Variants in SLC41A2 observed in about 807,000 individuals in gnomAD.
SLC41A2 encodes the protein SLC41A1-like 1.
SLC41A2 carries 32 observed loss-of-function variants against 58.3 expected under a neutral mutation model. That is an observed-to-expected ratio of 0.55 (90% CI 0.41 to 0.74). The LOEUF is 0.74. Ranked by LOEUF, SLC41A2 falls within the 30% of genes least tolerant of loss-of-function variation. The pLI is 0.00. For synonymous variants in SLC41A2, 190 were observed against 235.0 expected, an observed-to-expected ratio of 0.81 and a Z score of 1.75; for missense variants, 514 against 680.6, an observed-to-expected ratio of 0.76 and a Z score of 2.72.
chr12:104,869,409 A>G (rs759976769), intron 6 of SLC41A2, among the ~76,000 whole-genome samples: 1 of 152,238 alleles, frequency 6.6e-6, no homozygotes, highest in Non-Finnish European at 1.5e-5. Flanking sequence ...ACAAAGAGAG[A>G]GAACAAAAGA....
intron 2 of SLC41A2, among the ~76,000 whole-genome samples, chr12:104,920,533 G>A (rs1045389127): frequency 7.9e-5 from 12 of 151,698 alleles, no homozygotes; most frequent in African/African-American, 2.4e-4. Context: ...AGAAAGAGTC[G>A]GTGAGCTATT....
chr12:104,850,372 A>C (rs918699184), intron 8 of SLC41A2, among the ~76,000 whole-genome samples: 3 of 152,218 alleles, frequency 2.0e-5, no homozygotes, highest in Non-Finnish European at 2.9e-5. Context: ...TACGCAGTTT[A>C]ATCTTGGGCA....
chr12:104,826,724 CT>C lies in SLC41A2; in HGVS notation c.1536+17747del, dbSNP rs1416432552. Among the ~76,000 whole-genome samples, 4 of 152,286 alleles carry C rather than the reference CT, an allele frequency of 2.6e-5. No individual in the cohort carries two copies. In the East Asian group the frequency reaches 5.8e-4, roughly 22 times the overall value. On this transcript the variant is annotated intron_variant, in intron 10 of 10. Coordinates refer to ENST00000258538, the MANE Select transcript of SLC41A2 (RefSeq NM_001352171.3). ...ACAGAACTTAAAGCAAATGGGGGATCTTGGCAAGTTTTCAGATGACCCTGAT... is the reference window on the plus strand; with the variant it reads ...ACAGAACTTAAAGCAAATGGGGGATCTGGCAAGTTTTCAGATGACCCTGAT...
intron 1 of SLC41A2, among the ~76,000 whole-genome samples, chr12:104,950,041 G>A (rs1352216813): frequency 6.6e-6 from 1 of 152,212 alleles, no homozygotes; most frequent in Non-Finnish European, 1.5e-5. Context: ...ATATGACCAA[G>A]CAGCAAAATG....
chr12:104,927,451 A>G (rs1303404818), intron 2 of SLC41A2, among the ~76,000 whole-genome samples: 1 of 152,210 alleles, frequency 6.6e-6, no homozygotes, highest in African/African-American at 2.4e-5. Context: ...AAATATATGC[A>G]ACATTTTATT....
At chr12:104,896,046 G>A (rs1010388814) in intron 3 of SLC41A2, among the ~76,000 whole-genome samples, 3 of 152,056 alleles carry the variant, frequency 2.0e-5, no homozygotes, top group Admixed American at 6.6e-5. Flanking sequence ...GGAAAGCAAC[G>A]AACAATCATT....
intron 8 of SLC41A2, among the ~76,000 whole-genome samples, chr12:104,854,368 C>T (rs1185603940): frequency 6.6e-6 from 1 of 152,008 alleles, no homozygotes; most frequent in Non-Finnish European, 1.5e-5. Flanking sequence ...TCAAGACCAT[C>T]CTGGCTAACA....
chr12:104,835,654 C>A (rs1029991192), intron 10 of SLC41A2, among the ~76,000 whole-genome samples: 1 of 152,168 alleles, frequency 6.6e-6, no homozygotes, highest in Non-Finnish European at 1.5e-5. Flanking sequence ...TATTTATGTG[C>A]TTGGAATGGA....
intron 4 of SLC41A2, among the ~76,000 whole-genome samples, chr12:104,892,305 A>C (rs951064586): frequency 7.2e-6 from 1 of 138,494 alleles, no homozygotes; most frequent in African/African-American, 3.0e-5. Context: ...CAAAAAAAAA[A>C]TAAAATAAAA....
At position 104,845,874 on chromosome 12, in the gene SLC41A2, A is replaced by G; in HGVS notation, c.1356T>C (p.Cys452=). 1 of 1,613,778 alleles carries G rather than the reference A, an allele frequency of 6.2e-7. No homozygotes were observed. The highest frequency in any genetic ancestry group is 8.5e-7 in the Non-Finnish European group (1 of 1,179,776). Residue 452 remains cysteine, a synonymous_variant, in exon 9 of 11, where the codon TGT becomes TGC. Transcript: ENST00000258538. Reference sequence around the variant, plus strand: ...CAAAGAAAGTTCTAAATGGGTAGTAACAACCTTTGGGTTCATCAGGCAATT... The same window carrying G: ...CAAAGAAAGTTCTAAATGGGTAGTAGCAACCTTTGGGTTCATCAGGCAATT... ...PGELPDEPKG[C]YYPFRTFFGP...
chr12:104,875,848 CTA>C (rs1187871936), intron 6 of SLC41A2, among the ~76,000 whole-genome samples: 1 of 152,038 alleles, frequency 6.6e-6, no homozygotes, highest in African/African-American at 2.4e-5. Context: ...TCCTCTAGTT[CTA>C]TGTTTTTGGA....
At position 104,834,131 on chromosome 12, in the gene SLC41A2, C is replaced by CAACTGTCT. The variant is rs572617695; in HGVS notation, c.1536+10340_1536+10341insAGACAGTT. 1.9e-3 allele frequency: 1,865 copies of CAACTGTCT among 985,328 alleles called. 2 individuals are homozygous for CAACTGTCT. Among genetic ancestry groups the CAACTGTCT allele is most frequent in the Non-Finnish European group, 2.1e-3 (1,775 of 829,898 alleles). The allele number at this position is 985,328 out of a possible 1,614,324, so 61.0% of individuals were successfully genotyped here. On this transcript the variant is annotated intron_variant, in intron 10 of 10. Transcript: ENST00000258538. ...CATGCTGTGCCTCCAATAAAGCAGA[C>CAACTGTCT]AGTCATTTCATCTTCTGTGCATCAC...
intron 10 of SLC41A2, among the ~76,000 whole-genome samples, chr12:104,808,122 A>G (rs1240599394): frequency 6.6e-6 from 1 of 152,170 alleles, no homozygotes; most frequent in Non-Finnish European, 1.5e-5. Context: ...GAGTGGTGAG[A>G]GAGGACATCC....
At chr12:104,866,313 G>A in intron 7 of SLC41A2, 119 bp downstream of exon 7, 1 of 1,243,760 alleles carries the variant, frequency 8.0e-7, no homozygotes, top group Non-Finnish European at 1.0e-6. Flanking sequence ...AATAAAAACA[G>A]GCAATTCATT....
intron 4 of SLC41A2, among the ~76,000 whole-genome samples, chr12:104,890,619 T>C (rs1490841685): frequency 1.3e-5 from 2 of 152,128 alleles, no homozygotes; most frequent in Non-Finnish European, 2.9e-5. Context: ...AATGACTAAC[T>C]GAAAAATGAC....
chr12:104,822,446 G>A (rs987878385), intron 10 of SLC41A2, among the ~76,000 whole-genome samples: 3 of 152,040 alleles, frequency 2.0e-5, no homozygotes, highest in South Asian at 2.1e-4. Flanking sequence ...TTTCCAAAGC[G>A]CTACTCAAAT....
chr12:104,812,078 G>A (rs1042057612), intron 10 of SLC41A2, among the ~76,000 whole-genome samples: 2 of 152,220 alleles, frequency 1.3e-5, no homozygotes, highest in Admixed American at 1.3e-4. Flanking sequence ...CCTAACCAGA[G>A]GATTCCTCTA....
At chr12:104,849,320 T>C (rs1221396169) in intron 8 of SLC41A2, among the ~76,000 whole-genome samples, 1 of 152,100 alleles carries the variant, frequency 6.6e-6, no homozygotes, top group Non-Finnish European at 1.5e-5. Context: ...ATCCAGAATA[T>C]ATAAAGAAAT....
intron 10 of SLC41A2, among the ~76,000 whole-genome samples, chr12:104,836,830 C>T (rs1164723339): frequency 6.6e-6 from 1 of 152,192 alleles, no homozygotes; most frequent in Non-Finnish European, 1.5e-5. Flanking sequence ...CTTAATATTA[C>T]TCTAGGAGTA....
Sources: gnomAD v4.1 joint callset for allele counts (sites outside exome capture counted in the v4.1 genomes callset) on GRCh38, gnomAD v4.1.1 for gene constraint, MANE v1.5 for transcripts, NCBI Gene and HGNC (gene_info 2026-07-23, HGNC 2026-07-21) for gene names.